The following CSMD1 variants were observed in gnomAD, a reference collection of about 807,000 sequenced individuals.
CSMD1 encodes CUB and sushi domain-containing protein 1.
In CSMD1, 213 loss-of-function variants were observed where a neutral mutation model predicts 417.5. The observed-to-expected ratio is 0.51, with a 90% CI of 0.46 to 0.57. The LOEUF (loss-of-function observed/expected upper bound fraction) is 0.57, where lower values mean the gene tolerates loss of function less well. Ranked by LOEUF, CSMD1 falls within the 20% of genes least tolerant of loss-of-function variation. The pLI, the probability that CSMD1 is intolerant of heterozygous loss-of-function variation, is 0.00. For missense variants in CSMD1, 6,923 were observed against 4,529.7 expected (o/e 1.53, Z -15.17); for synonymous variants, 2,862 against 1,736.8 (o/e 1.65, Z -16.11).
chr8:3,256,913 G>C (rs1372826785), intron 26 of CSMD1, among the ~76,000 whole-genome samples: 1 of 152,208 alleles, frequency 6.6e-6, no homozygotes, highest in Non-Finnish European at 1.5e-5. Flanking sequence ...TGCAAAAATA[G>C]AATGTTAACT....
At chr8:4,112,382 G>A (rs1801903382) in intron 3 of CSMD1, among the ~76,000 whole-genome samples, 1 of 152,172 alleles carries the variant, frequency 6.6e-6, no homozygotes, top group Admixed American at 6.5e-5. Context: ...CATCCAGGAA[G>A]AAAATGCCCT....
intron 1 of CSMD1, among the ~76,000 whole-genome samples, chr8:4,985,065 C>T (rs1317617265): frequency 3.3e-5 from 5 of 152,092 alleles, no homozygotes; most frequent in African/African-American, 9.7e-5. Context: ...TTTGCAGGGA[C>T]GTGGGTGGAG....
chr8:4,340,770 C>T (rs796365995), intron 3 of CSMD1, among the ~76,000 whole-genome samples: 1 of 152,084 alleles, frequency 6.6e-6, no homozygotes, highest in African/African-American at 2.4e-5. Context: ...AACTGTCAAG[C>T]AAACTCATAA....
chr8:4,444,143 A>T (rs1365136076), intron 2 of CSMD1, among the ~76,000 whole-genome samples: 1 of 151,756 alleles, frequency 6.6e-6, no homozygotes, highest in Admixed American at 6.6e-5. Context: ...GAAATTTGAG[A>T]CCACTCTGGC....
rs1235897159 is a variant in CSMD1, at chr8:4,529,888, ATTT to A, written c.302+107451_302+107453del. ...TGCTGCCATTGTTTTTTTTTTTTAAATTTATTTAATTTTTTTATTTTTATTTAT... is the reference window on the plus strand; with the variant it reads ...TGCTGCCATTGTTTTTTTTTTTTAAAATTTAATTTTTTTATTTTTATTTAT... On this transcript the variant is annotated intron_variant, in intron 2 of 69. Coordinates refer to ENST00000635120, the MANE Select transcript of CSMD1 (RefSeq NM_033225.6). Among the ~76,000 whole-genome samples the A allele has an allele frequency of 2.6e-3, 264 of 100,904 alleles. 4 individuals are homozygous for A. Among genetic ancestry groups the A allele is most frequent in the East Asian group, 0.019 (57 of 3,068 alleles). The allele number at this position is 100,904 out of a possible 152,430, so 66.2% of individuals were successfully genotyped here.
intron 5 of CSMD1, among the ~76,000 whole-genome samples, chr8:3,879,793 T>C (rs929623231): frequency 2.0e-5 from 3 of 151,894 alleles, no homozygotes; most frequent in South Asian, 2.1e-4. Flanking sequence ...TTCAGATATT[T>C]GTCATTTATT....
intron 3 of CSMD1, among the ~76,000 whole-genome samples, chr8:4,159,662 C>G (rs952032789): frequency 6.6e-6 from 1 of 152,170 alleles, no homozygotes; most frequent in African/African-American, 2.4e-5. Flanking sequence ...GATCTCGGCT[C>G]ACTGCAAGCT....
chr8:4,436,580 G>C (rs1210662050), intron 2 of CSMD1, among the ~76,000 whole-genome samples: 1 of 151,998 alleles, frequency 6.6e-6, no homozygotes, highest in African/African-American at 2.4e-5. Flanking sequence ...AGTTACTGTT[G>C]ATTATATCCA....
chr8:4,219,801 T>C (rs1800918204), intron 3 of CSMD1, among the ~76,000 whole-genome samples: 1 of 152,228 alleles, frequency 6.6e-6, no homozygotes, highest in Non-Finnish European at 1.5e-5. Flanking sequence ...TATGTATTAA[T>C]GTCTTACTTA....
intron 26 of CSMD1, among the ~76,000 whole-genome samples, chr8:3,269,993 A>T (rs577471806): frequency 8.1e-4 from 123 of 151,486 alleles, no homozygotes; most frequent in African/African-American, 2.9e-3. Context: ...GGCCATCAAC[A>T]TGCACGTAGA....
chr8:3,830,459 T>C (rs1802312026), intron 5 of CSMD1, among the ~76,000 whole-genome samples: 1 of 152,358 alleles, frequency 6.6e-6, no homozygotes, highest in South Asian at 2.1e-4. Flanking sequence ...TTTAACACCA[T>C]TTCTTTCTCT....
chr8:3,875,558 C>T (rs746129564), intron 5 of CSMD1, among the ~76,000 whole-genome samples: 4 of 152,090 alleles, frequency 2.6e-5, no homozygotes, highest in African/African-American at 9.7e-5. Context: ...GGAGAGGCTC[C>T]TTCAGGAGGA....
chr8:3,927,495 T>C (rs1473291772), intron 5 of CSMD1, among the ~76,000 whole-genome samples: 1 of 151,772 alleles, frequency 6.6e-6, no homozygotes, highest in Non-Finnish European at 1.5e-5. Context: ...TGAGACCCCA[T>C]CTCTACTAAA....
intron 2 of CSMD1, among the ~76,000 whole-genome samples, chr8:4,517,757 T>A (rs998324665): frequency 6.6e-6 from 1 of 152,186 alleles, no homozygotes; most frequent in Non-Finnish European, 1.5e-5. Context: ...ATGCTTCAAG[T>A]AATGGCTACC....
intron 3 of CSMD1, among the ~76,000 whole-genome samples, chr8:4,096,002 A>G (rs1021343893): frequency 2.0e-5 from 3 of 152,202 alleles, no homozygotes; most frequent in Admixed American, 2.0e-4. Context: ...AGTTGTCAGA[A>G]ACATAGGAAA....
intron 3 of CSMD1, among the ~76,000 whole-genome samples, chr8:4,076,040 A>T (rs1435292865): frequency 1.3e-5 from 2 of 152,156 alleles, no homozygotes; most frequent in African/African-American, 4.8e-5. Context: ...TTATGGAAAG[A>T]TAAGTGATAT....
Position 4,212,840 on chromosome 8 carries a change from C to G in CSMD1, c.416-180741G>C, listed in dbSNP as rs566623749. ...TTCATGGACTGGCATTTGGGAAACACCCTTCTAGTCCAGCTTTCCATCCTA... is the reference window on the plus strand; with the variant it reads ...TTCATGGACTGGCATTTGGGAAACAGCCTTCTAGTCCAGCTTTCCATCCTA... On this transcript the variant is annotated intron_variant, in intron 3 of 69. Transcript: ENST00000635120. Among the ~76,000 whole-genome samples the G allele has an allele frequency of 6.7e-4, 98 of 145,522 alleles. 1 individual carries two copies. The South Asian group carries it at 0.013, about 19-fold the overall frequency.
At chr8:3,284,980 C>G (rs972467039) in intron 25 of CSMD1, among the ~76,000 whole-genome samples, 43 of 152,244 alleles carry the variant, frequency 2.8e-4, no homozygotes, top group African/African-American at 1.0e-3. Flanking sequence ...AGGTATTTTT[C>G]AGAGTGACTT....
chr8:4,169,249 C>G (rs557116175), intron 3 of CSMD1, among the ~76,000 whole-genome samples: 19 of 152,148 alleles, frequency 1.2e-4, no homozygotes, highest in Non-Finnish European at 1.9e-4. Context: ...ATACTGCACA[C>G]AGATGTCTGA....
Sources: gnomAD v4.1 joint callset for allele counts (sites outside exome capture counted in the v4.1 genomes callset) on GRCh38, gnomAD v4.1.1 for gene constraint, MANE v1.5 for transcripts, NCBI Gene and HGNC (gene_info 2026-07-23, HGNC 2026-07-21) for gene names.